The following PAX5 variants were observed in gnomAD, a reference collection of about 807,000 sequenced individuals.
The protein encoded by PAX5 is paired box protein Pax-5.
A neutral mutation model predicts 43.7 loss-of-function variants in PAX5; 9 were observed. The ratio of observed to expected loss-of-function variants is 0.21; its 90% CI spans 0.12 to 0.36. The LOEUF (loss-of-function observed/expected upper bound fraction) is 0.36, where lower values mean the gene tolerates loss of function less well. PAX5 is among the 10% of genes least tolerant of loss of function. The pLI, the probability that PAX5 is intolerant of heterozygous loss-of-function variation, is 1.00. For synonymous variants in PAX5, 228 were observed against 214.3 expected, an observed-to-expected ratio of 1.06 and a Z score of -0.56; for missense variants, 383 against 532.7, an observed-to-expected ratio of 0.72 and a Z score of 2.77.
rs188582896 is a variant in PAX5, at chr9:36,895,446, A to T, written c.911-13341T>A. Among the ~76,000 whole-genome samples the T allele has an allele frequency of 2.0e-3, 309 of 152,370 alleles. 2 individuals carry two copies. The highest frequency in any genetic ancestry group is 9.3e-3 in the South Asian group (45 of 4,818). ...GAGGCTCAGCCTAGCGGTGAAGGGC[A>T]AAAGGTCTGGAGCAGATTCTTTGGA... On this transcript the variant is annotated intron_variant, in intron 7 of 9. Coordinates refer to ENST00000358127, the MANE Select transcript of PAX5 (RefSeq NM_016734.3).
chr9:36,868,428 G>A (rs1825109777), intron 8 of PAX5, among the ~76,000 whole-genome samples: 3 of 152,240 alleles, frequency 2.0e-5, no homozygotes, highest in African/African-American at 7.2e-5. Context: ...GCAGACCATG[G>A]GCAGTGCCCG....
chr9:36,892,929 G>A (rs911097441), intron 7 of PAX5, among the ~76,000 whole-genome samples: 6 of 152,092 alleles, frequency 3.9e-5, no homozygotes, highest in Non-Finnish European at 8.8e-5. Flanking sequence ...ATCTGGAGGC[G>A]GATAGAGGAA....
chr9:36,871,987 T>A (rs558125080), intron 8 of PAX5, among the ~76,000 whole-genome samples: 7 of 152,218 alleles, frequency 4.6e-5, no homozygotes, highest in African/African-American at 1.7e-4. Flanking sequence ...CCCATCTCCA[T>A]GCTCCCAAAA....
intron 9 of PAX5, among the ~76,000 whole-genome samples, chr9:36,843,093 CGT>C (rs149354277): frequency 6.6e-4 from 98 of 149,196 alleles, no homozygotes; most frequent in Middle Eastern, 6.9e-3. Context: ...TGTGTGTGTG[CGT>C]GTGTGTGTGT....
Position 37,015,143 on chromosome 9 carries a change from T to C in PAX5, c.264A>G (p.Pro88=), listed in dbSNP as rs1312271043. 3 of 1,614,104 alleles carry C rather than the reference T, an allele frequency of 1.9e-6. No individual in the cohort carries two copies. The highest frequency in any genetic ancestry group is 2.5e-6 in the Non-Finnish European group (3 of 1,180,046). Residue 88 remains proline (P), a synonymous_variant, in exon 3 of 10, where the codon CCA becomes CCG. Transcript: ENST00000358127. This position sits in a 1 kb window ranked among gnomAD's most constrained non-coding sequence, Gnocchi z 4.4. ...CCACCACTTTGGGTGTGGCGACCTTTGGTTTGGATCCTCCAATTACCCCAG... is the reference window on the plus strand; with the variant it reads ...CCACCACTTTGGGTGTGGCGACCTTCGGTTTGGATCCTCCAATTACCCCAG... ...IKPGVIGGSK[P]KVATPKVVEK...
At chr9:36,923,611 G>T (rs116002069) in intron 6 of PAX5, 127 bp from the exon 7 acceptor site, 9 of 1,038,922 alleles carry the variant, frequency 8.7e-6, no homozygotes, top group African/African-American at 3.2e-5. Context: ...CCCACAAGGG[G>T]CTCATGAACA....
intron 1 of PAX5, among the ~76,000 whole-genome samples, chr9:37,028,474 A>AGTT (rs910311216): frequency 5.3e-5 from 8 of 152,298 alleles, no homozygotes; most frequent in African/African-American, 1.9e-4. Flanking sequence ...ACTCCTTTAA[A>AGTT]GTTAGTAACT....
chr9:36,913,510 C>G (rs1829475257), intron 7 of PAX5, among the ~76,000 whole-genome samples: 1 of 152,180 alleles, frequency 6.6e-6, no homozygotes, highest in South Asian at 2.1e-4. Flanking sequence ...ACAGTGGCTC[C>G]CCCATCAGCA....
intron 8 of PAX5, among the ~76,000 whole-genome samples, chr9:36,870,747 G>C (rs906368439): frequency 1.3e-5 from 2 of 152,210 alleles, no homozygotes; most frequent in Non-Finnish European, 2.9e-5. Context: ...GGGAAGTCTT[G>C]GCTGGGACAC....
chr9:37,024,359 G>T (rs763156103), intron 1 of PAX5, among the ~76,000 whole-genome samples: 11 of 152,022 alleles, frequency 7.2e-5, no homozygotes, highest in African/African-American at 2.7e-4. Flanking sequence ...AAGCAGTGGT[G>T]GGGGGAAGCA....
Position 36,979,747 on chromosome 9 carries a change from A to T in PAX5, c.605-13023T>A, listed in dbSNP as rs376498815. Among the ~76,000 whole-genome samples, 180 of 152,274 alleles carry T rather than the reference A, an allele frequency of 1.2e-3. 8 individuals are homozygous for T. In the South Asian group the frequency reaches 0.036, roughly 31 times the overall value. ...CCCCAGTGAGGCCAATCTCCAGGCAATTTCAGAATTACCAAGCCATTTTGG... is the reference window on the plus strand; with the variant it reads ...CCCCAGTGAGGCCAATCTCCAGGCATTTTCAGAATTACCAAGCCATTTTGG... On this transcript the variant is annotated intron_variant, in intron 5 of 9. Coordinates refer to ENST00000358127, the MANE Select transcript of PAX5 (RefSeq NM_016734.3).
intron 5 of PAX5, among the ~76,000 whole-genome samples, chr9:36,974,511 G>A (rs1430780054): frequency 6.6e-6 from 1 of 152,146 alleles, no homozygotes; most frequent in African/African-American, 2.4e-5. Flanking sequence ...GAGTCACTGA[G>A]GTCCCTCAGC....
At chr9:36,946,028 A>G (rs146763796) in intron 6 of PAX5, among the ~76,000 whole-genome samples, 1 of 152,330 alleles carries the variant, frequency 6.6e-6, no homozygotes, top group East Asian at 1.9e-4. Flanking sequence ...CCCTAAAGGA[A>G]CAGCACGCAG....
At position 36,999,616 on chromosome 9, in the gene PAX5, G is replaced by A. The variant is rs116360961; in HGVS notation, c.604+3032C>T. On this transcript the variant is annotated intron_variant, in intron 5 of 9. Coordinates refer to ENST00000358127, the MANE Select transcript of PAX5 (RefSeq NM_016734.3). Reference sequence around the variant, plus strand: ...GCCTCAGTCACCTCATCCGAAAAATGGGCAAGGACCCTCAGCTGTCTTCCT... The same window carrying A: ...GCCTCAGTCACCTCATCCGAAAAATAGGCAAGGACCCTCAGCTGTCTTCCT... 6.2e-3 allele frequency among the ~76,000 whole-genome samples: 944 copies of A among 152,278 alleles called. 13 individuals carry two copies. Among genetic ancestry groups the A allele is most frequent in the African/African-American group, 0.021 (890 of 41,556 alleles).
At chr9:36,875,604 T>C (rs562044301) in intron 8 of PAX5, among the ~76,000 whole-genome samples, 1 of 152,220 alleles carries the variant, frequency 6.6e-6, no homozygotes, top group South Asian at 2.1e-4. Context: ...TCGGATTACA[T>C]GGCAGAGGGG....
chr9:36,951,613 T>A (rs10973138), intron 6 of PAX5, among the ~76,000 whole-genome samples: 106,876 of 152,062 alleles, frequency 0.7, 38,367 homozygotes, highest in South Asian at 0.83. Flanking sequence ...TGTTTTAGGT[T>A]AATTACTAAA....
intron 8 of PAX5, among the ~76,000 whole-genome samples, chr9:36,855,365 C>G (rs1031051857): frequency 6.6e-6 from 1 of 152,236 alleles, no homozygotes; most frequent in Admixed American, 6.5e-5. Context: ...GCAGGCATTT[C>G]CATTTGAGAT....
intron 5 of PAX5, among the ~76,000 whole-genome samples, chr9:37,001,563 A>T (rs1837853600): frequency 6.6e-6 from 1 of 152,100 alleles, no homozygotes; most frequent in African/African-American, 2.4e-5. Context: ...TCTTCCCCAC[A>T]CACCCCCACG....
intron 1 of PAX5, among the ~76,000 whole-genome samples, chr9:37,023,238 A>G (rs559562449): frequency 2.0e-5 from 3 of 152,302 alleles, no homozygotes; most frequent in Admixed American, 6.5e-5. Flanking sequence ...CGAAGGTGGC[A>G]CACAACGGGA....
Sources: gnomAD v4.1 joint callset for allele counts (sites outside exome capture counted in the v4.1 genomes callset) on GRCh38, gnomAD v4.1.1 for gene constraint, Gnocchi (gnomAD v3.1) non-coding constraint, MANE v1.5 for transcripts, NCBI Gene and HGNC (gene_info 2026-07-23, HGNC 2026-07-21) for gene names.